The following AGAP1 variants were observed in gnomAD, a reference collection of about 807,000 sequenced individuals.
The protein encoded by AGAP1 is arf-GAP with GTPase, ANK repeat and PH domain-containing protein 1.
In AGAP1, 29 loss-of-function variants were observed where a neutral mutation model predicts 105.3. The observed-to-expected ratio is 0.28, with a 90% CI of 0.21 to 0.38. The LOEUF is 0.38. AGAP1 is among the 10% of genes least tolerant of loss of function. The pLI, the probability that AGAP1 is intolerant of heterozygous loss-of-function variation, is 1.00. For synonymous variants in AGAP1, 509 were observed against 485.9 expected (o/e 1.05, Z -0.63); for missense variants, 998 against 1,165.1 (o/e 0.86, Z 2.09).
intron 16 of AGAP1, among the ~76,000 whole-genome samples, chr2:236,106,565 G>A (rs1344973181): frequency 6.6e-6 from 1 of 152,200 alleles, no homozygotes; most frequent in East Asian, 1.9e-4. Context: ...GGGCTCTGGG[G>A]GCCATGCTGG....
Position 236,120,307 on chromosome 2 carries a change from G to T in AGAP1, c.2230G>T (p.Asp744Tyr), listed in dbSNP as rs1559295422. ...QHLLRATADE[D>Y]LRTAILLLAH... is the part of the protein sequence containing the mutation. ...CCTGCTGCGGGCCACCGCCGACGAG[G>T]ACCTGCGGACGGCCATCCTGCTGCT... The change falls in exon 17 of 18, where the codon GAC becomes TAC. Residue 744 changes from aspartate (D) to tyrosine (Y), a missense_variant. Transcript: ENST00000304032. The surrounding 1 kb of genome is among the most constrained non-coding windows in gnomAD (Gnocchi z 6.0). 1 of 1,612,746 alleles carries T rather than the reference G, an allele frequency of 6.2e-7. No individual in the cohort carries two copies. Among genetic ancestry groups the T allele is most frequent in the Non-Finnish European group, 8.5e-7 (1 of 1,179,656 alleles).
rs1435188639 is a variant in AGAP1, at chr2:236,040,677, C to T, written c.1801-74C>T. On this transcript the variant is annotated intron_variant, in intron 14 of 17. Transcript: ENST00000304032. The surrounding 1 kb of genome is among the most constrained non-coding windows in gnomAD (Gnocchi z 5.6). Reference sequence around the variant, plus strand: ...TTTGCTCCCAATCTGTTTGATCTTTCCCTGATGTTATCAGTGATGTGCGTT... The same window carrying T: ...TTTGCTCCCAATCTGTTTGATCTTTTCCTGATGTTATCAGTGATGTGCGTT... The T allele has an allele frequency of 7.0e-7, 1 of 1,423,572 alleles. No individual in the cohort carries two copies. Among genetic ancestry groups the T allele is most frequent in the Admixed American group, 1.8e-5 (1 of 57,048 alleles). The allele number at this position is 1,423,572 out of a possible 1,614,324, so 88.2% of individuals were successfully genotyped here. A position where few individuals can be genotyped will look rare whatever the true frequency, so the allele number is the denominator to read the frequency against.
At chr2:235,966,936 T>C (rs188569436) in intron 12 of AGAP1, among the ~76,000 whole-genome samples, 4 of 152,352 alleles carry the variant, frequency 2.6e-5, no homozygotes, top group African/African-American at 7.2e-5. Flanking sequence ...TCTCAACATA[T>C]GATAAAATTT....
intron 1 of AGAP1, among the ~76,000 whole-genome samples, chr2:235,590,680 T>TGTGC (rs1553574143): frequency 7.7e-5 from 9 of 116,570 alleles, no homozygotes; most frequent in South Asian, 6.1e-4. Flanking sequence ...TGTGTGTGTG[T>TGTGC]GTGTGCGTGT....
chr2:235,724,289 C>G lies in AGAP1; in HGVS notation c.310+6645C>G, dbSNP rs890336845. Among the ~76,000 whole-genome samples the G allele has an allele frequency of 2.6e-5, 4 of 152,184 alleles. No homozygotes were observed. Among genetic ancestry groups the G allele is most frequent in the Non-Finnish European group, 4.4e-5 (3 of 68,014 alleles). On this transcript the variant is annotated intron_variant, in intron 3 of 17. Transcript: ENST00000304032. The surrounding 1 kb of genome is among the most constrained non-coding windows in gnomAD (Gnocchi z 4.9). Reference sequence around the variant, plus strand: ...TGGGGATGGCTGGTAAAGGCTGTGCCGGCCCTGCCTCCCTCCCAGAAGGGC... The same window carrying G: ...TGGGGATGGCTGGTAAAGGCTGTGCGGGCCCTGCCTCCCTCCCAGAAGGGC...
intron 1 of AGAP1, among the ~76,000 whole-genome samples, chr2:235,647,809 G>A (rs1318090854): frequency 2.0e-5 from 3 of 152,178 alleles, no homozygotes; most frequent in East Asian, 1.9e-4. Context: ...CAGGCTCTTG[G>A]CTGACCAGTG....
At chr2:235,758,206 T>A (rs752196004) in intron 6 of AGAP1, among the ~76,000 whole-genome samples, 2 of 152,190 alleles carry the variant, frequency 1.3e-5, no homozygotes, top group Non-Finnish European at 2.9e-5. Context: ...TTTTTTACAC[T>A]TGAAAGCAAG....
Position 236,078,427 on chromosome 2 carries a change from T to C in AGAP1, c.2114+29146T>C, listed in dbSNP as rs1183768051. On this transcript the variant is annotated intron_variant, in intron 16 of 17. Transcript: ENST00000304032. This position sits in a 1 kb window ranked among gnomAD's most constrained non-coding sequence, Gnocchi z 5.3. ...ACAGCAATGCATAGGTTGTGTGTGA[T>C]GAAATCACTGGCCGCCGTGGCCTGG... Among the ~76,000 whole-genome samples, 1 of 152,118 alleles carries C rather than the reference T, an allele frequency of 6.6e-6. No homozygotes were observed.
intron 12 of AGAP1, among the ~76,000 whole-genome samples, chr2:235,948,111 C>T (rs1357680873): frequency 2.7e-5 from 4 of 150,444 alleles, no homozygotes; most frequent in Non-Finnish European, 4.4e-5. Context: ...TTACCTGTTC[C>T]ATTTCAGCTT....
Position 235,801,334 on chromosome 2 carries a change from G to A in AGAP1, c.957+1812G>A, listed in dbSNP as rs1957485185. 6.6e-6 allele frequency among the ~76,000 whole-genome samples: 1 copy of A among 152,168 alleles called. No individual in the cohort carries two copies. ...TCCTGGAGGAGGCAGAAGAGATCTG[G>A]TGGCATTGCTTCCATGGTTTTCTCA... On this transcript the variant is annotated intron_variant, in intron 8 of 17. Transcript: ENST00000304032. The surrounding 1 kb of genome is among the most constrained non-coding windows in gnomAD (Gnocchi z 6.0).
In AGAP1 at chr2:236,078,989, C is replaced by T. The variant is rs184976654; in HGVS notation, c.2114+29708C>T. ...GTCCCGTCCCTTTAGCCTCATCCCT[C>T]ATGGGGGAAGATACCTGATGCCGGG... On this transcript the variant is annotated intron_variant, in intron 16 of 17. Coordinates refer to ENST00000304032, the MANE Select transcript of AGAP1 (RefSeq NM_001037131.3). This position sits in a 1 kb window ranked among gnomAD's most constrained non-coding sequence, Gnocchi z 5.3. 2.9e-3 allele frequency among the ~76,000 whole-genome samples: 444 copies of T among 152,278 alleles called. 4 individuals carry two copies. The highest frequency in any genetic ancestry group is 9.6e-3 in the African/African-American group (401 of 41,562).
intron 9 of AGAP1, among the ~76,000 whole-genome samples, chr2:235,854,489 G>C (rs897219861): frequency 1.4e-4 from 21 of 152,226 alleles, no homozygotes; most frequent in African/African-American, 4.8e-4. Context: ...TCACAGAGGT[G>C]GGGGAGGATG....
At chr2:235,772,055 G>A (rs747257197) in intron 6 of AGAP1, among the ~76,000 whole-genome samples, 64 of 149,384 alleles carry the variant, frequency 4.3e-4, no homozygotes, top group Non-Finnish European at 8.3e-4. Context: ...GAACGCAGTG[G>A]TGCGATCTTG....
At chr2:235,825,936 A>G (rs905042709) in intron 9 of AGAP1, among the ~76,000 whole-genome samples, 5 of 152,150 alleles carry the variant, frequency 3.3e-5, no homozygotes, top group Admixed American at 2.0e-4. Context: ...CTGCTTTCAC[A>G]TTGCATGCCT....
Position 236,124,654 on chromosome 2 carries a change from A to T in AGAP1, c.*532A>T. On this transcript the variant is annotated 3_prime_UTR_variant, in exon 18 of 18. Transcript: ENST00000304032. The surrounding 1 kb of genome is among the most constrained non-coding windows in gnomAD (Gnocchi z 5.1). ...GGTGTGTGTCAAATCAGTTGTAGCTAATCTGTCCAGGGAGAATACTGGCTT... is the reference window on the plus strand; with the variant it reads ...GGTGTGTGTCAAATCAGTTGTAGCTTATCTGTCCAGGGAGAATACTGGCTT... 5.7e-6 allele frequency: 1 copy of T among 176,192 alleles called. No homozygotes were observed. Among genetic ancestry groups the T allele is most frequent in the East Asian group, 1.6e-4 (1 of 6,220 alleles). The allele number at this position is 176,192 out of a possible 1,614,324, so 10.9% of individuals were successfully genotyped here.
Position 235,639,562 on chromosome 2 carries a change from A to G in AGAP1, c.164-69617A>G, listed in dbSNP as rs1947122404. 1.3e-5 allele frequency among the ~76,000 whole-genome samples: 2 copies of G among 152,038 alleles called. No individual in the cohort carries two copies. The highest frequency in any genetic ancestry group is 1.3e-4 in the Admixed American group (2 of 15,262). On this transcript the variant is annotated intron_variant, in intron 1 of 17. Transcript: ENST00000304032. The surrounding 1 kb of genome is among the most constrained non-coding windows in gnomAD (Gnocchi z 5.3). Reference sequence around the variant, plus strand: ...GTGGGATGATCTCATGGTGGGTGGGACTTGTCGCCGTCATGCACTCAGCAC... The same window carrying G: ...GTGGGATGATCTCATGGTGGGTGGGGCTTGTCGCCGTCATGCACTCAGCAC...
chr2:235,883,313 A>G lies in AGAP1; in HGVS notation c.1051-32A>G, dbSNP rs756212875. The stretch of plus-strand genomic sequence containing the variant: ...GCCTTTTCTTTTTTTTATTTACATT[A>G]GAATTTCTATTTGGCTCTTTTTCCC... On this transcript the variant is annotated intron_variant, in intron 9 of 17. Transcript: ENST00000304032. This position sits in a 1 kb window ranked among gnomAD's most constrained non-coding sequence, Gnocchi z 4.5. 9 of 1,592,470 alleles carry G rather than the reference A, an allele frequency of 5.7e-6. No individual in the cohort carries two copies. The highest frequency in any genetic ancestry group is 7.7e-6 in the Non-Finnish European group (9 of 1,162,452).
rs944941299 is a variant in AGAP1 at position 235,494,132 on chromosome 2, C to A, written c.-555C>A. The A allele has an allele frequency of 4.8e-5, 7 of 144,832 alleles. No individual in the cohort carries two copies. Among genetic ancestry groups the A allele is most frequent in the African/African-American group, 1.7e-4 (7 of 40,272 alleles). The allele number at this position is 144,832 out of a possible 1,614,324, so 9.0% of individuals were successfully genotyped here. A position where few individuals can be genotyped will look rare whatever the true frequency, so the allele number is the denominator to read the frequency against. ...CGCGGCTTGCAAGGCGCCTGCGACT[C>A]GGTCCCAGGTCGGCGGGCGGCGCAC... On this transcript the variant is annotated 5_prime_UTR_variant, in exon 1 of 18. Coordinates refer to ENST00000304032, the MANE Select transcript of AGAP1 (RefSeq NM_001037131.3).
At chr2:235,852,410 A>T (rs542199556) in intron 9 of AGAP1, among the ~76,000 whole-genome samples, 2 of 152,172 alleles carry the variant, frequency 1.3e-5, no homozygotes, top group Admixed American at 6.5e-5. Flanking sequence ...AGGGGGGGGA[A>T]CCCCGAAACA....
Sources: allele counts gnomAD v4.1 joint callset (sites outside exome capture counted in the v4.1 genomes callset), GRCh38; gene constraint gnomAD v4.1.1; non-coding constraint Gnocchi (gnomAD v3.1); transcripts MANE v1.5; gene names NCBI Gene and HGNC (gene_info 2026-07-23, HGNC 2026-07-21).